The following DPYD variants were observed in gnomAD, a reference collection of about 807,000 sequenced individuals.
DPYD encodes dihydropyrimidine dehydrogenase [NADP(+)].
Under a neutral mutation model 116.2 loss-of-function variants are expected in DPYD, and 109 were observed. The ratio of observed to expected loss-of-function variants is 0.94; its 90% confidence interval spans 0.80 to 1.10. The LOEUF is 1.10. Ranked by LOEUF, DPYD falls within the 50% of genes least tolerant of loss-of-function variation. The pLI is 0.00. For synonymous variants in DPYD, 440 were observed against 432.0 expected (o/e 1.02, Z -0.23); for missense variants, 1,302 against 1,254.5 (o/e 1.04, Z -0.57).
intron 3 of DPYD, among the ~76,000 whole-genome samples, chr1:97,806,579 C>A (rs1469819643): frequency 6.6e-6 from 1 of 151,694 alleles, no homozygotes; most frequent in Non-Finnish European, 1.5e-5. Flanking sequence ...TTTCTGCTAC[C>A]CCCACACAAG....
At chr1:97,432,805 G>C (rs1675256592) in intron 14 of DPYD, among the ~76,000 whole-genome samples, 1 of 152,118 alleles carries the variant, frequency 6.6e-6, no homozygotes, top group African/African-American at 2.4e-5. Context: ...AGCAGAGTCT[G>C]GGTTGTGCCG....
intron 8 of DPYD, among the ~76,000 whole-genome samples, chr1:97,630,317 T>C (rs1657178863): frequency 6.6e-6 from 1 of 152,114 alleles, no homozygotes. Flanking sequence ...GTTACTTTTG[T>C]TTTGTTTTTA....
At chr1:97,332,748 T>G (rs1413216985) in intron 16 of DPYD, among the ~76,000 whole-genome samples, 1 of 152,226 alleles carries the variant, frequency 6.6e-6, no homozygotes, top group Non-Finnish European at 1.5e-5. Context: ...TTATTATTGT[T>G]GATGGATACA....
At chr1:97,826,796 C>T (rs1462788978) in intron 3 of DPYD, among the ~76,000 whole-genome samples, 2 of 151,986 alleles carry the variant, frequency 1.3e-5, no homozygotes, top group Admixed American at 6.6e-5. Flanking sequence ...TATATAGATA[C>T]AAATTCTCTA....
intron 14 of DPYD, among the ~76,000 whole-genome samples, chr1:97,412,524 A>G (rs979421432): frequency 3.9e-5 from 6 of 152,216 alleles, no homozygotes; most frequent in Admixed American, 1.3e-4. Context: ...CTAAGAGCAG[A>G]TTATGCATTT....
At chr1:97,301,340 T>C (rs1221026406) in intron 18 of DPYD, among the ~76,000 whole-genome samples, 1 of 152,070 alleles carries the variant, frequency 6.6e-6, no homozygotes, top group Non-Finnish European at 1.5e-5. Flanking sequence ...AAACAAGCAT[T>C]CAAAATTTGA....
intron 2 of DPYD, among the ~76,000 whole-genome samples, chr1:97,869,233 G>T (rs764152948): frequency 4.6e-5 from 7 of 151,778 alleles, no homozygotes; most frequent in Admixed American, 6.6e-5. Context: ...ATGAGGGCCA[G>T]AGTTAGGTGG....
chr1:97,611,806 G>T (rs915147233), intron 8 of DPYD, among the ~76,000 whole-genome samples: 4 of 151,952 alleles, frequency 2.6e-5, no homozygotes, highest in African/African-American at 7.2e-5. Context: ...TTTTTGTAAT[G>T]ATTAAATGAG....
intron 3 of DPYD, among the ~76,000 whole-genome samples, chr1:97,818,397 C>T: frequency 6.6e-6 from 1 of 151,910 alleles, no homozygotes; most frequent in East Asian, 1.9e-4. Context: ...TCTACTGTTT[C>T]ACCAGATTTG....
chr1:97,557,790 A>G (rs1349558655), intron 11 of DPYD, among the ~76,000 whole-genome samples: 2 of 152,198 alleles, frequency 1.3e-5, no homozygotes, highest in African/African-American at 4.8e-5. Context: ...ACTAAAGAAG[A>G]ATGTTAGAAA....
intron 13 of DPYD, among the ~76,000 whole-genome samples, chr1:97,504,167 G>C (rs1679753583): frequency 6.6e-6 from 1 of 151,982 alleles, no homozygotes; most frequent in South Asian, 2.1e-4. Flanking sequence ...CTGAGAGACA[G>C]CTTTTAAAAG....
intron 4 of DPYD, among the ~76,000 whole-genome samples, chr1:97,739,080 T>C (rs979501646): frequency 6.6e-6 from 1 of 152,108 alleles, no homozygotes; most frequent in Non-Finnish European, 1.5e-5. Flanking sequence ...TTAACTTAGA[T>C]ATATTTTTAG....
intron 16 of DPYD, among the ~76,000 whole-genome samples, chr1:97,356,144 T>A (rs1670416635): frequency 6.6e-6 from 1 of 152,344 alleles, no homozygotes; most frequent in South Asian, 2.1e-4. Flanking sequence ...GAGTGATATC[T>A]CACTGTGGTT....
At chr1:97,669,003 T>C (rs1295331124) in intron 8 of DPYD, among the ~76,000 whole-genome samples, 3 of 151,868 alleles carry the variant, frequency 2.0e-5, no homozygotes, top group African/African-American at 7.3e-5. Context: ...AAATTTAACT[T>C]ATGAATTAAG....
At chr1:97,843,366 A>T (rs11805551) in intron 2 of DPYD, among the ~76,000 whole-genome samples, 259 of 152,282 alleles carry the variant, frequency 1.7e-3, no homozygotes, top group African/African-American at 5.9e-3. Flanking sequence ...TTAGTAGAAG[A>T]GGCTATTTTA....
chr1:97,277,258 C>G (rs1664991194), intron 18 of DPYD, among the ~76,000 whole-genome samples: 1 of 152,002 alleles, frequency 6.6e-6, no homozygotes, highest in Middle Eastern at 3.4e-3. Context: ...TCACTGGGTA[C>G]TAAGCTCACT....
At position 97,470,576 on chromosome 1, in the gene DPYD, T is replaced by C. The variant is rs535033222; in HGVS notation, c.1741-20353A>G. ...TGCTGGGTGTTTCAGAGGTTGTATA[T>C]AGCTGTAAGCAGTATAACTGCACGA... On this transcript the variant is annotated intron_variant, in intron 13 of 22. Transcript: ENST00000370192. 1.4e-4 allele frequency among the ~76,000 whole-genome samples: 22 copies of C among 152,316 alleles called. No homozygotes were observed. The East Asian group carries it at 3.7e-3, about 25-fold the overall frequency.
chr1:97,082,276 T>C (rs1649209167), intron 22 of DPYD, 54 bp downstream of exon 22: 8 of 1,611,076 alleles, frequency 5.0e-6, no homozygotes, highest in African/African-American at 1.3e-5. Context: ...CTTTCTGCCG[T>C]AAAAACAAGA....
intron 2 of DPYD, among the ~76,000 whole-genome samples, chr1:97,871,425 G>C (rs1671650903): frequency 6.6e-6 from 1 of 151,712 alleles, no homozygotes; most frequent in Non-Finnish European, 1.5e-5. Context: ...CTAAGAGAGG[G>C]AACACATTTC....
Sources: allele counts gnomAD v4.1 joint callset (sites outside exome capture counted in the v4.1 genomes callset), GRCh38; gene constraint gnomAD v4.1.1; transcripts MANE v1.5; gene names NCBI Gene and HGNC (gene_info 2026-07-23, HGNC 2026-07-21).